Variants in YIF1B observed in about 807,000 individuals in gnomAD.
The protein encoded by YIF1B is protein YIF1B.
A neutral mutation model predicts 34.6 loss-of-function variants in YIF1B; 24 were observed. The observed-to-expected ratio is 0.69, with a 90% CI of 0.50 to 0.98. YIF1B has a LOEUF of 0.98. Among genes scored for constraint, YIF1B ranks in the 50% least tolerant of loss-of-function variants. YIF1B has a pLI of 0.00. For missense variants in YIF1B, 368 were observed against 429.4 expected, an observed-to-expected ratio of 0.86 and a Z score of 1.26; for synonymous variants, 186 against 184.8, an observed-to-expected ratio of 1.01 and a Z score of -0.05.
At chr19:38,320,210 C>T (rs1439074976), upstream of YIF1B, 1 of 1,603,322 alleles carries the variant, frequency 6.2e-7, no homozygotes, top group Admixed American at 1.7e-5. Context: ...GCCAACGCCT[C>T]GGACCCCGCC....
intron 7 of YIF1B, among the ~76,000 whole-genome samples, chr19:38,306,135 C>G (rs540364235): frequency 7.6e-6 from 1 of 131,648 alleles, no homozygotes; most frequent in East Asian, 2.5e-4. Flanking sequence ...ACCCAAGAGG[C>G]GGAGGTTGCA....
rs1465637715 is a variant in YIF1B, at chr19:38,309,515, C to T, written c.187G>A (p.Ala63Thr). The stretch of plus-strand genomic sequence containing the variant: ...GCTGCATGGGGCGTGGGAGAGGCTG[C>T]AGGATAACTCAGGCCACCAGGTGCC... ...QRAPGGLSYP[A>T]ASPTPHAAFL... Residue 63 changes from alanine (A) to threonine (T), a missense_variant, in exon 2 of 8, where the codon GCA becomes ACA. Physicochemically the swap from Ala to Thr is moderately conservative, Grantham distance 58 (BLOSUM62 0). Transcript: ENST00000339413. 1 of 1,610,264 alleles carries T rather than the reference C, an allele frequency of 6.2e-7. No individual in the cohort carries two copies. Among genetic ancestry groups the T allele is most frequent in the Non-Finnish European group, 8.5e-7 (1 of 1,178,452 alleles).
At chr19:38,305,575 C>G in intron 7 of YIF1B, 68 bp from the exon 8 acceptor site, 3 of 1,509,854 alleles carry the variant, frequency 2.0e-6, no homozygotes, top group South Asian at 2.5e-5. Context: ...AGTGAGAGCC[C>G]GGACATACTT....
At chr19:38,314,003 C>T (rs148138117) in intron 1 of YIF1B, among the ~76,000 whole-genome samples, 23 of 152,226 alleles carry the variant, frequency 1.5e-4, no homozygotes, top group African/African-American at 5.5e-4. Context: ...TGGCACAGGC[C>T]TCCAATGCCT....
At position 38,307,437 on chromosome 19, in the gene YIF1B, A is replaced by G; in HGVS notation, c.780T>C (p.Phe260=). 6.2e-7 allele frequency: 1 copy of G among 1,613,568 alleles called. No homozygotes were observed. The highest frequency in any genetic ancestry group is 8.5e-7 in the Non-Finnish European group (1 of 1,179,932). Residue 260 remains phenylalanine, a synonymous_variant, in exon 7 of 8, where the codon TTT becomes TTC. Coordinates refer to ENST00000339413, the MANE Select transcript of YIF1B (RefSeq NM_001039672.3). ...CCCGAGCCCAGCTCACCATGAACAC[A>G]AAGATGGCTACGCAGCACCAGCCCA... is the stretch of plus-strand genomic sequence containing the variant. ...LVLGWCCVAI[F]VFMIRTLRLK... is the part of the protein sequence containing the mutation.
Position 38,304,695 on chromosome 19 carries a change from C to A in YIF1B, c.*657G>T. 1 of 1,613,672 alleles carries A rather than the reference C, an allele frequency of 6.2e-7. No homozygotes were observed. The highest frequency in any genetic ancestry group is 1.1e-5 in the South Asian group (1 of 91,086). On this transcript the variant is annotated 3_prime_UTR_variant, in exon 8 of 8. Transcript: ENST00000339413. ...CGGACACGGATGTGAAGGTAAGGGG[C>A]TCTCGCCAGCGTCCCCAAGCACGTG...
At chr19:38,321,383 G>T (rs1969650398), upstream of YIF1B, among the ~76,000 whole-genome samples, 1 of 152,142 alleles carries the variant, frequency 6.6e-6, no homozygotes, top group Non-Finnish European at 1.5e-5. Context: ...CCTATATGGG[G>T]TCACTCTCAA....
intron 1 of YIF1B, among the ~76,000 whole-genome samples, chr19:38,314,677 A>C (rs909492750): frequency 1.5e-5 from 2 of 135,578 alleles, no homozygotes; most frequent in African/African-American, 5.7e-5. Flanking sequence ...AGGCTGGTGC[A>C]ATCTCGCCTC....
Position 38,305,147 on chromosome 19 carries a change from A to G in YIF1B, c.*205T>C, listed in dbSNP as rs1968946012. On this transcript the variant is annotated 3_prime_UTR_variant, in exon 8 of 8. Transcript: ENST00000339413. ...CATCAGGGTTTATTGTTTCTGTAACAGCGGCCACGCCCTGGGGCGGTGGCC... is the reference window on the plus strand; with the variant it reads ...CATCAGGGTTTATTGTTTCTGTAACGGCGGCCACGCCCTGGGGCGGTGGCC... The G allele has an allele frequency of 7.1e-7, 1 of 1,404,958 alleles. No homozygotes were observed. Among genetic ancestry groups the G allele is most frequent in the Non-Finnish European group, 9.5e-7 (1 of 1,057,338 alleles). 87.0% of individuals were successfully genotyped at this position (1,404,958 alleles called of 1,614,324 possible).
chr19:38,307,854 C>T, intron 5 of YIF1B, 102 bp from the exon 6 acceptor site: 3 of 1,468,790 alleles, frequency 2.0e-6, no homozygotes, highest in Non-Finnish European at 2.7e-6. Flanking sequence ...GGACACCTGG[C>T]AGTGACCAAG....
chr19:38,315,741 G>C, intron 1 of YIF1B, 119 bp downstream of exon 1: 7 of 1,609,370 alleles, frequency 4.3e-6, no homozygotes, highest in Non-Finnish European at 5.1e-6. Flanking sequence ...CCAGCGCTGT[G>C]CACACCTCAG....
chr19:38,320,972 G>GA (rs1427971305), upstream of YIF1B, among the ~76,000 whole-genome samples: 1 of 152,070 alleles, frequency 6.6e-6, no homozygotes, highest in Non-Finnish European at 1.5e-5. Flanking sequence ...CCCTCCAAGG[G>GA]AGATCCTTGC....
chr19:38,315,695 C>CGAT, intron 1 of YIF1B, 165 bp downstream of exon 1: 1 of 1,605,580 alleles, frequency 6.2e-7, no homozygotes, highest in East Asian at 2.2e-5. Flanking sequence ...CCTAAAGAAT[C>CGAT]GCCCCCCAAG....
upstream of YIF1B, among the ~76,000 whole-genome samples, chr19:38,320,635 G>T (rs112827305): frequency 0.14 from 21,293 of 151,488 alleles, 1,799 homozygotes; most frequent in South Asian, 0.21. Flanking sequence ...CTCGGATCAC[G>T]GCAGCCTCCG....
Position 38,305,081 on chromosome 19 carries a change from AT to A in YIF1B, c.*270del, listed in dbSNP as rs1341260338. The A allele has an allele frequency of 8.7e-6, 13 of 1,501,828 alleles. No homozygotes were observed. Among genetic ancestry groups the A allele is most frequent in the Non-Finnish European group, 1.2e-5 (13 of 1,121,544 alleles). The allele number at this position is 1,501,828 out of a possible 1,614,324, so 93.0% of individuals were successfully genotyped here. ...CCCCTGCCCAGCGCTGGGCCCGCCC[AT>A]TCGTGCGCGAGGCCAAGGAGAGGCT... On this transcript the variant is annotated 3_prime_UTR_variant, in exon 8 of 8. Coordinates refer to ENST00000339413, the MANE Select transcript of YIF1B (RefSeq NM_001039672.3).
rs372711541 is a variant in YIF1B, at chr19:38,315,642, C to A, written c.58+218G>T. 3 of 1,559,088 alleles carry A rather than the reference C, an allele frequency of 1.9e-6. No individual in the cohort carries two copies. The East Asian group carries it at 7.1e-5, about 37-fold the overall frequency. On this transcript the variant is annotated intron_variant, in intron 1 of 7. Coordinates refer to ENST00000339413, the MANE Select transcript of YIF1B (RefSeq NM_001039672.3). Reference sequence around the variant, plus strand: ...ATGAAAGTTGCATTTCTCTGCATATCGCACGCTATCCAGTCCCAAGTTGTT... The same window carrying A: ...ATGAAAGTTGCATTTCTCTGCATATAGCACGCTATCCAGTCCCAAGTTGTT...
chr19:38,316,062 CTTCA>C, upstream of YIF1B: 1 of 1,224,400 alleles, frequency 8.2e-7, no homozygotes, highest in Middle Eastern at 3.0e-4. Context: ...CAGCCCCCCC[CTTCA>C]CGGAGGCCTG....
At chr19:38,308,161 C>G (rs1235775539) in intron 5 of YIF1B, among the ~76,000 whole-genome samples, 3 of 152,174 alleles carry the variant, frequency 2.0e-5, no homozygotes, top group African/African-American at 7.2e-5. Flanking sequence ...GCGATGTGAG[C>G]AAGAGGAGGG....
At position 38,304,941 on chromosome 19, in the gene YIF1B, A is replaced by G. The variant is rs1465333658; in HGVS notation, c.*411T>C. On this transcript the variant is annotated 3_prime_UTR_variant, in exon 8 of 8. Coordinates refer to ENST00000339413, the MANE Select transcript of YIF1B (RefSeq NM_001039672.3). ...GGAGAAGGGCAAGAAGGAGAAGGGC[A>G]AGAAGAAGGAGGCTCCCCACTGAAG... 2 of 1,503,530 alleles carry G rather than the reference A, an allele frequency of 1.3e-6. No homozygotes were observed. 93.1% of individuals were successfully genotyped at this position (1,503,530 alleles called of 1,614,324 possible).
Sources: allele counts gnomAD v4.1 joint callset (sites outside exome capture counted in the v4.1 genomes callset), GRCh38; gene constraint gnomAD v4.1.1; transcripts MANE v1.5; gene names NCBI Gene and HGNC (gene_info 2026-07-23, HGNC 2026-07-21).